Variants in F7 observed in about 807,000 individuals in gnomAD.
F7 encodes the protein FVII coagulation protein.
In F7, 38 loss-of-function variants were observed where a neutral mutation model predicts 47.5. The observed-to-expected ratio is 0.80, with a 90% CI of 0.62 to 1.05. The LOEUF (loss-of-function observed/expected upper bound fraction) is 1.05, where lower values mean the gene tolerates loss of function less well. Among genes scored for constraint, F7 ranks in the 50% least tolerant of loss-of-function variants. F7 has a pLI of 0.00. For missense variants in F7, 575 were observed against 605.4 expected (o/e 0.95, Z 0.53); for synonymous variants, 244 against 258.5 (o/e 0.94, Z 0.54).
At chr13:113,105,950 T>C in intron 1 of F7, 45 bp downstream of exon 1, 1 of 1,532,806 alleles carries the variant, frequency 6.5e-7, no homozygotes, top group Non-Finnish European at 8.8e-7. Context: ...GGAAGGGCAG[T>C]GGGCAAATCC....
At chr13:113,116,686 A>C in intron 5 of F7, 80 bp from the exon 6 acceptor site, 2 of 1,149,650 alleles carry the variant, frequency 1.7e-6, no homozygotes, top group Non-Finnish European at 1.3e-6. Context: ...CTCTCAGAGG[A>C]TGGGTGTTTC....
At position 113,116,765 on chromosome 13, in the gene F7, G is replaced by A. The variant is rs769610966; in HGVS notation, c.506-1G>A. On this transcript the variant is annotated splice_acceptor_variant, in intron 5 of 7. Transcript: ENST00000346342. LOFTEE classifies it high-confidence loss of function. ...ATCTTTCTGACTTTTGTTTTACACA[G>A]TTGAATATCCATGTGGAAAAATACC... 8 of 1,607,748 alleles carry A rather than the reference G, an allele frequency of 5.0e-6. No individual in the cohort carries two copies. The East Asian group carries it at 1.6e-4, about 31-fold the overall frequency.
rs1476080120 is a variant in F7 at position 113,110,751 on chromosome 13, C to T, written c.126C>T (p.Phe42=). The T allele has an allele frequency of 1.3e-6, 2 of 1,549,344 alleles. No individual in the cohort carries two copies. Among genetic ancestry groups the T allele is most frequent in the Non-Finnish European group, 8.7e-7 (1 of 1,146,728 alleles). Reference sequence around the variant, plus strand: ...ACCGGCGCCGGCGCGCCAACGCGTTCCTGGAGGAGCTGCGGCCGGGCTCCC... The same window carrying T: ...ACCGGCGCCGGCGCGCCAACGCGTTTCTGGAGGAGCTGCGGCCGGGCTCCC... ...VLHRRRRANA[F]LEELRPGSLE... is the part of the protein sequence containing the mutation. Residue 42 remains phenylalanine (F), a synonymous_variant, in exon 2 of 8, where the codon TTC becomes TTT. Transcript: ENST00000346342.
intron 1 of F7, among the ~76,000 whole-genome samples, chr13:113,108,871 G>A (rs1412160265): frequency 1.6e-5 from 1 of 63,880 alleles, no homozygotes; most frequent in African/African-American, 5.6e-5. Context: ...TGGGTGTTCC[G>A]GAGGCGAGGG....
At position 113,119,390 on chromosome 13, in the gene F7, A is replaced by T. The variant is rs2036260458; in HGVS notation, c.*382A>T. Reference sequence around the variant, plus strand: ...CTTCAGCCAAGCCCACCTGCACGTGATCTGCTGGCCTCAGGCTGCTGCTCT... The same window carrying T: ...CTTCAGCCAAGCCCACCTGCACGTGTTCTGCTGGCCTCAGGCTGCTGCTCT... On this transcript the variant is annotated 3_prime_UTR_variant, in exon 8 of 8. Transcript: ENST00000346342. 3.5e-6 allele frequency: 1 copy of T among 289,716 alleles called. No homozygotes were observed. The highest frequency in any genetic ancestry group is 2.2e-5 in the African/African-American group (1 of 45,994). The allele number at this position is 289,716 out of a possible 1,614,324, so 17.9% of individuals were successfully genotyped here. A position where few individuals can be genotyped will look rare whatever the true frequency, so the allele number is the denominator to read the frequency against.
Position 113,110,746 on chromosome 13 carries a change from G to T in F7, c.121G>T (p.Ala41Ser), listed in dbSNP as rs1197595496. The part of the protein sequence containing the change: ...GVLHRRRRAN[A>S]FLEELRPGSL... ...CCTGCACCGGCGCCGGCGCGCCAAC[G>T]CGTTCCTGGAGGAGCTGCGGCCGGG... Residue 41 changes from alanine to serine, a missense_variant, in exon 2 of 8, where the codon GCG (alanine) becomes TCG (serine). Coordinates refer to ENST00000346342, the MANE Select transcript of F7 (RefSeq NM_019616.4). 11 of 1,549,086 alleles carry T rather than the reference G, an allele frequency of 7.1e-6. No homozygotes were observed. The highest frequency in any genetic ancestry group is 4.9e-5 in the East Asian group (2 of 40,868).
chr13:113,113,939 G>A lies in F7; in HGVS notation c.343G>A (p.Glu115Lys), dbSNP rs141678243. ...TATCTGCTTCTGCCTCCCTGCCTTC[G>A]AGGGCCGGAACTGTGAGACGCGTAA... The part of the protein sequence containing the change: ...SYICFCLPAF[E>K]GRNCETHKDD... The change falls in exon 4 of 8, where the codon GAG becomes AAG. Residue 115 changes from glutamate to lysine, a missense_variant. Coordinates refer to ENST00000346342, the MANE Select transcript of F7 (RefSeq NM_019616.4). The surrounding 1 kb of genome is among the most constrained non-coding windows in gnomAD (Gnocchi z 4.1). The A allele has an allele frequency of 1.9e-5, 31 of 1,614,068 alleles. 1 individual carries two copies. The South Asian group carries it at 2.3e-4, about 12-fold the overall frequency.
intron 1 of F7, among the ~76,000 whole-genome samples, chr13:113,109,923 C>G (rs1014616661): frequency 1.3e-5 from 2 of 152,246 alleles, no homozygotes; most frequent in Admixed American, 6.5e-5. Flanking sequence ...CCCTGGGCGT[C>G]TCTGGCCCTC....
chr13:113,116,973 C>T (rs1378409766), intron 6 of F7, 98 bp downstream of exon 6: 2 of 971,768 alleles, frequency 2.1e-6, no homozygotes, highest in Non-Finnish European at 3.3e-6. Context: ...GCAGGTCAGC[C>T]CCAAGCCCAC....
In F7 at chr13:113,111,696, C is replaced by T. The variant is rs565185989; in HGVS notation, c.225+846C>T. ...GACACCTCACACGGGGCACACTTCA[C>T]ACTCACAGGTCACCTCACACCCACA... On this transcript the variant is annotated intron_variant, in intron 2 of 7. Coordinates refer to ENST00000346342, the MANE Select transcript of F7 (RefSeq NM_019616.4). Among the ~76,000 whole-genome samples, 476 of 64,352 alleles carry T rather than the reference C, an allele frequency of 7.4e-3. 8 individuals carry two copies. Among genetic ancestry groups the T allele is most frequent in the Non-Finnish European group, 0.012 (391 of 31,344 alleles). 42.2% of individuals were successfully genotyped at this position (64,352 alleles called of 152,430 possible). A position where few individuals can be genotyped will look rare whatever the true frequency, so the allele number is the denominator to read the frequency against.
At position 113,113,760 on chromosome 13, in the gene F7, C is replaced by A; in HGVS notation, c.234C>A (p.Phe78Leu). The change falls in exon 3 of 8, where the codon TTC becomes TTA. Residue 78 changes from phenylalanine to leucine, a missense_variant. Physicochemically the swap from Phe to Leu is conservative, Grantham distance 22 (BLOSUM62 0). Coordinates refer to ENST00000346342, the MANE Select transcript of F7 (RefSeq NM_019616.4). The surrounding 1 kb of genome is among the most constrained non-coding windows in gnomAD (Gnocchi z 4.1). The part of the protein sequence containing the change: ...IFKDAERTKL[F>L]WISYSDGDQC... ...CTCTCTTGTTCCTTCAGAAGCTGTT[C>A]TGGATTTCTTACAGTGGTGAGTGGA... 6.2e-7 allele frequency: 1 copy of A among 1,614,176 alleles called. No homozygotes were observed. The highest frequency in any genetic ancestry group is 1.1e-5 in the South Asian group (1 of 91,076).
Position 113,119,152 on chromosome 13 carries a change from CAGAG to C in F7, c.*150_*153del, listed in dbSNP as rs748036244. On this transcript the variant is annotated 3_prime_UTR_variant, in exon 8 of 8. Coordinates refer to ENST00000346342, the MANE Select transcript of F7 (RefSeq NM_019616.4). ...GTGGGGAGGGAGACAGAGACAGAAA[CAGAG>C]AGAGACAGAGACAGAGAGAGACTGA... is the stretch of plus-strand genomic sequence containing the variant. The C allele has an allele frequency of 4.3e-5, 30 of 694,262 alleles. No homozygotes were observed. Among genetic ancestry groups the C allele is most frequent in the African/African-American group, 1.4e-4 (7 of 50,554 alleles). 43.0% of individuals were successfully genotyped at this position (694,262 alleles called of 1,614,324 possible). A position where few individuals can be genotyped will look rare whatever the true frequency, so the allele number is the denominator to read the frequency against.
At chr13:113,112,379 CA>C (rs1305544033) in intron 2 of F7, among the ~76,000 whole-genome samples, 2 of 150,050 alleles carry the variant, frequency 1.3e-5, no homozygotes, top group Non-Finnish European at 3.0e-5. Flanking sequence ...ACACCTCACA[CA>C]GGGCACACTT....
In F7 at chr13:113,119,087, C is replaced by T. The variant is rs896655306; in HGVS notation, c.*79C>T. Reference sequence around the variant, plus strand: ...GCACCAAATCCCATATATTCTTCTGCAGTTAATGGGGTAGAGGAGGGCATG... The same window carrying T: ...GCACCAAATCCCATATATTCTTCTGTAGTTAATGGGGTAGAGGAGGGCATG... On this transcript the variant is annotated 3_prime_UTR_variant, in exon 8 of 8. Coordinates refer to ENST00000346342, the MANE Select transcript of F7 (RefSeq NM_019616.4). 2.6e-6 allele frequency: 3 copies of T among 1,134,488 alleles called. No homozygotes were observed. Among genetic ancestry groups the T allele is most frequent in the Non-Finnish European group, 3.8e-6 (3 of 799,866 alleles). 70.3% of individuals were successfully genotyped at this position (1,134,488 alleles called of 1,614,324 possible).
rs141219406 is a variant in F7, at chr13:113,120,065, C to T, written c.*1057C>T. The stretch of plus-strand genomic sequence containing the variant: ...GCCCATGATTCATTTTTGGAGCCCC[C>T]GGTGCTCATCCTCTGAGATGCTCTT... On this transcript the variant is annotated 3_prime_UTR_variant, in exon 8 of 8. Transcript: ENST00000346342. The T allele has an allele frequency of 1.9e-3, 282 of 152,316 alleles. No homozygotes were observed. Among genetic ancestry groups the T allele is most frequent in the Non-Finnish European group, 3.1e-3 (212 of 68,032 alleles). 9.4% of individuals were successfully genotyped at this position (152,316 alleles called of 1,614,324 possible). A position where few individuals can be genotyped will look rare whatever the true frequency, so the allele number is the denominator to read the frequency against.
At chr13:113,116,672 A>G (rs2142226943) in intron 5 of F7, 94 bp from the exon 6 acceptor site, 1 of 1,041,302 alleles carries the variant, frequency 9.6e-7, no homozygotes, top group Non-Finnish European at 1.5e-6. Flanking sequence ...CTCGGCCTCA[A>G]GGCCTCTCAG....
intron 1 of F7, among the ~76,000 whole-genome samples, chr13:113,108,325 C>T (rs1227590372): frequency 2.2e-5 from 2 of 91,850 alleles, no homozygotes; most frequent in Non-Finnish European, 4.6e-5. Context: ...GAGGGTGTCC[C>T]GGGAGTGTGG....
chr13:113,113,727 G>A lies in F7; in HGVS notation c.226-25G>A, dbSNP rs375583335. 11 of 1,612,204 alleles carry A rather than the reference G, an allele frequency of 6.8e-6. No homozygotes were observed. Among genetic ancestry groups the A allele is most frequent in the African/African-American group, 5.3e-5 (4 of 75,022 alleles). On this transcript the variant is annotated intron_variant, in intron 2 of 7. Coordinates refer to ENST00000346342, the MANE Select transcript of F7 (RefSeq NM_019616.4). The surrounding 1 kb of genome is among the most constrained non-coding windows in gnomAD (Gnocchi z 4.1). The stretch of plus-strand genomic sequence containing the variant: ...GTGCTCTGGTGAAGGTGCATCTCAC[G>A]AGGCTTGCTCTCTTGTTCCTTCAGA...
At chr13:113,105,944 G>C (rs767528257) in intron 1 of F7, 39 bp downstream of exon 1, 1 of 1,540,590 alleles carries the variant, frequency 6.5e-7, no homozygotes, top group Non-Finnish European at 8.8e-7. Flanking sequence ...CTTGGTGGAA[G>C]GGCAGTGGGC....
Sources: allele counts gnomAD v4.1 joint callset (sites outside exome capture counted in the v4.1 genomes callset), GRCh38; gene constraint gnomAD v4.1.1; non-coding constraint Gnocchi (gnomAD v3.1); transcripts MANE v1.5; gene names NCBI Gene and HGNC (gene_info 2026-07-23, HGNC 2026-07-21).